Variants in CNTNAP2 observed in about 807,000 individuals in gnomAD.
The protein encoded by CNTNAP2 is contactin associated protein 2.
In CNTNAP2, 98 loss-of-function variants were observed where a neutral mutation model predicts 155.2. The ratio of observed to expected loss-of-function variants is 0.63; its 90% confidence interval spans 0.54 to 0.75. The LOEUF is 0.75. Among genes scored for constraint, CNTNAP2 ranks in the 30% least tolerant of loss-of-function variants. CNTNAP2 has a pLI of 0.00. For synonymous variants in CNTNAP2, 651 were observed against 631.2 expected (o/e 1.03, Z -0.47); for missense variants, 1,727 against 1,688.1 (o/e 1.02, Z -0.40).
intron 1 of CNTNAP2, among the ~76,000 whole-genome samples, chr7:146,421,396 T>G (rs1479290674): frequency 2.0e-5 from 3 of 151,982 alleles, no homozygotes; most frequent in Non-Finnish European, 4.4e-5. Flanking sequence ...TTCTAATCTA[T>G]TACTAGTTAT....
At position 146,770,588 on chromosome 7, in the gene CNTNAP2, C is replaced by T. The variant is rs547362039; in HGVS notation, c.98-3683C>T. ...AATTGCTTATTGGCCCTGATCTTTA[C>T]TAAGCTCAATTTAATTCTAATTATT... On this transcript the variant is annotated intron_variant, in intron 1 of 23. Coordinates refer to ENST00000361727, the MANE Select transcript of CNTNAP2 (RefSeq NM_014141.6). Among the ~76,000 whole-genome samples, 3 of 151,818 alleles carry T rather than the reference C, an allele frequency of 2.0e-5. No homozygotes were observed. In the South Asian group the frequency reaches 6.2e-4, roughly 32 times the overall value.
At chr7:147,091,202 C>T (rs968925977) in intron 4 of CNTNAP2, among the ~76,000 whole-genome samples, 1 of 152,078 alleles carries the variant, frequency 6.6e-6, no homozygotes, top group Non-Finnish European at 1.5e-5. Context: ...AATCGGTTTC[C>T]TCATGGGCAA....
chr7:147,084,984 A>T (rs1438292191), intron 4 of CNTNAP2, among the ~76,000 whole-genome samples: 1 of 151,480 alleles, frequency 6.6e-6, no homozygotes. Context: ...CTACCCACTA[A>T]CTCTGAGAGG....
chr7:146,984,192 A>G (rs1215975089), intron 3 of CNTNAP2, among the ~76,000 whole-genome samples: 2 of 151,602 alleles, frequency 1.3e-5, no homozygotes, highest in African/African-American at 2.4e-5. Flanking sequence ...ACATGAAGAA[A>G]CCCCATCTCT....
At chr7:146,981,722 A>T (rs1351080962) in intron 3 of CNTNAP2, among the ~76,000 whole-genome samples, 5 of 152,188 alleles carry the variant, frequency 3.3e-5, no homozygotes, top group Admixed American at 1.3e-4. Flanking sequence ...ATTTTCATGA[A>T]TCATTAAGTT....
At chr7:147,213,947 G>C (rs1294413271) in intron 8 of CNTNAP2, among the ~76,000 whole-genome samples, 1 of 152,024 alleles carries the variant, frequency 6.6e-6, no homozygotes, top group Non-Finnish European at 1.5e-5. Flanking sequence ...TCACCTTTTT[G>C]TGCTTATCCT....
chr7:148,071,040 ATAAAG>A (rs1191129877), intron 15 of CNTNAP2, among the ~76,000 whole-genome samples: 1 of 152,214 alleles, frequency 6.6e-6, no homozygotes, highest in African/African-American at 2.4e-5. Context: ...TACTTCAAAA[ATAAAG>A]TATTTTCTAA....
chr7:146,725,502 GAGACCACC>G (rs1364001710), intron 1 of CNTNAP2, among the ~76,000 whole-genome samples: 1 of 152,084 alleles, frequency 6.6e-6, no homozygotes, highest in Admixed American at 6.6e-5. Flanking sequence ...AAGCTAATGA[GAGACCACC>G]AGGTTTAAAG....
chr7:146,890,938 G>T (rs112318664), intron 3 of CNTNAP2, among the ~76,000 whole-genome samples: 2,035 of 152,184 alleles, frequency 0.013, 19 homozygotes, highest in Non-Finnish European at 0.021. Flanking sequence ...CACATGAACT[G>T]GTGTGCTTAT....
At chr7:146,834,789 C>T (rs1726691570) in intron 2 of CNTNAP2, among the ~76,000 whole-genome samples, 1 of 152,170 alleles carries the variant, frequency 6.6e-6, no homozygotes, top group African/African-American at 2.4e-5. Flanking sequence ...TGCTACAATA[C>T]ATTGGGAACT....
intron 1 of CNTNAP2, among the ~76,000 whole-genome samples, chr7:146,531,091 C>A (rs1164361979): frequency 2.0e-5 from 3 of 152,078 alleles, no homozygotes; most frequent in African/African-American, 4.8e-5. Flanking sequence ...AAGCTAGAGG[C>A]CATTGTCCTA....
chr7:147,302,770 A>C (rs1794966858), intron 9 of CNTNAP2, among the ~76,000 whole-genome samples: 1 of 152,246 alleles, frequency 6.6e-6, no homozygotes, highest in African/African-American at 2.4e-5. Flanking sequence ...AAAGTTTGGG[A>C]TGCATGAGAA....
chr7:147,691,365 A>G (rs943522657), intron 13 of CNTNAP2, among the ~76,000 whole-genome samples: 5 of 152,176 alleles, frequency 3.3e-5, no homozygotes, highest in African/African-American at 4.8e-5. Flanking sequence ...GTCAATTTCC[A>G]TGGTATAAAT....
In CNTNAP2 at chr7:147,856,752, T is replaced by C. The variant is rs1799047122; in HGVS notation, c.2099-46813T>C. 3.3e-5 allele frequency among the ~76,000 whole-genome samples: 5 copies of C among 152,160 alleles called. No homozygotes were observed. In the South Asian group the frequency reaches 6.2e-4, roughly 19 times the overall value. ...GAAAATATTTCTGTTAAAGGAGTAA[T>C]CATACAGAACAGCTAAAATTCCAGG... is the stretch of plus-strand genomic sequence containing the variant. On this transcript the variant is annotated intron_variant, in intron 13 of 23. Coordinates refer to ENST00000361727, the MANE Select transcript of CNTNAP2 (RefSeq NM_014141.6).
intron 1 of CNTNAP2, among the ~76,000 whole-genome samples, chr7:146,618,901 C>T (rs747847169): frequency 3.3e-5 from 5 of 151,878 alleles, no homozygotes; most frequent in African/African-American, 9.7e-5. Context: ...GAAACCCTGT[C>T]CCTACTAAAG....
intron 3 of CNTNAP2, among the ~76,000 whole-genome samples, chr7:146,864,749 G>T (rs1049184666): frequency 6.6e-6 from 1 of 151,950 alleles, no homozygotes; most frequent in Non-Finnish European, 1.5e-5. Context: ...CAGTGCTTTG[G>T]GAGGCTGAAG....
At chr7:147,422,174 A>G (rs1279896173) in intron 10 of CNTNAP2, among the ~76,000 whole-genome samples, 1 of 147,200 alleles carries the variant, frequency 6.8e-6, no homozygotes, top group Non-Finnish European at 1.5e-5. Flanking sequence ...TATATATAGT[A>G]TGTATATATA....
chr7:147,026,704 T>G (rs2129248788), intron 3 of CNTNAP2, among the ~76,000 whole-genome samples: 1 of 152,042 alleles, frequency 6.6e-6, no homozygotes, highest in South Asian at 2.1e-4. Flanking sequence ...AAAGAGAACT[T>G]GAATAAAACA....
At chr7:146,835,341 A>G (rs1803595762) in intron 2 of CNTNAP2, among the ~76,000 whole-genome samples, 2 of 152,204 alleles carry the variant, frequency 1.3e-5, no homozygotes, top group South Asian at 4.1e-4. Flanking sequence ...TTGCTCGTTG[A>G]CTTGAGTTCA....
Sources: gnomAD v4.1 joint callset for allele counts (sites outside exome capture counted in the v4.1 genomes callset) on GRCh38, gnomAD v4.1.1 for gene constraint, MANE v1.5 for transcripts, NCBI Gene and HGNC (gene_info 2026-07-23, HGNC 2026-07-21) for gene names.